Variants in TRIM9 observed in about 807,000 individuals in gnomAD.
TRIM9 encodes the protein E3 ubiquitin-protein ligase TRIM9.
Under a neutral mutation model 78.3 loss-of-function variants are expected in TRIM9, and 26 were observed. The ratio of observed to expected loss-of-function variants is 0.33; its 90% CI spans 0.24 to 0.46. TRIM9 has a LOEUF of 0.46. Among genes scored for constraint, TRIM9 ranks in the 20% least tolerant of loss-of-function variants. The pLI, the probability that TRIM9 is intolerant of heterozygous loss-of-function variation, is 1.00. For synonymous variants in TRIM9, 398 were observed against 416.5 expected (o/e 0.96, Z 0.54); for missense variants, 787 against 1,036.4 (o/e 0.76, Z 3.30).
At chr14:51,067,686 G>A (rs942608006) in intron 1 of TRIM9, among the ~76,000 whole-genome samples, 3 of 151,962 alleles carry the variant, frequency 2.0e-5, no homozygotes, top group Non-Finnish European at 2.9e-5. Context: ...TCTTCACAGA[G>A]GGCTGCCCCT....
intron 1 of TRIM9, among the ~76,000 whole-genome samples, chr14:51,028,836 G>C (rs2058479481): frequency 6.6e-6 from 1 of 152,132 alleles, no homozygotes; most frequent in Admixed American, 6.5e-5. Flanking sequence ...CCAGAAAGAT[G>C]ACAAGTTGTT....
chr14:51,045,906 A>G (rs1214390735), intron 1 of TRIM9, among the ~76,000 whole-genome samples: 1 of 152,238 alleles, frequency 6.6e-6, no homozygotes, highest in Non-Finnish European at 1.5e-5. Flanking sequence ...AAGAAAATCC[A>G]GGAATCAACT....
chr14:51,058,235 C>A (rs150713331), intron 1 of TRIM9, among the ~76,000 whole-genome samples: 77 of 152,268 alleles, frequency 5.1e-4, no homozygotes, highest in African/African-American at 1.8e-3. Flanking sequence ...AACTCAGATC[C>A]AAAACCTAAG....
At position 50,977,278 on chromosome 14, in the gene TRIM9, C is replaced by T. The variant is rs746793722; in HGVS notation, c.*13G>A. On this transcript the variant is annotated 3_prime_UTR_variant, in exon 13 of 13. Coordinates refer to ENST00000684578, the MANE Select transcript of TRIM9 (RefSeq NM_001387360.1). ...AGGTAAGAACAGGCAGCTGGCGCCT[C>T]CACGGCACATCCTTAGGCTATTGAT... 13 of 1,485,762 alleles carry T rather than the reference C, an allele frequency of 8.7e-6. No homozygotes were observed. Among genetic ancestry groups the T allele is most frequent in the Non-Finnish European group, 1.2e-5 (13 of 1,111,952 alleles). The allele number at this position is 1,485,762 out of a possible 1,614,324, so 92.0% of individuals were successfully genotyped here. A position where few individuals can be genotyped will look rare whatever the true frequency, so the allele number is the denominator to read the frequency against.
rs998606781 is a variant in TRIM9, at chr14:51,059,298, T to C, written c.823-33938A>G. Reference sequence around the variant, plus strand: ...GAATTAGTTTCTACAGAAACAGCAATTGTGGAAGCAGATAGGCTAGCATTT... The same window carrying C: ...GAATTAGTTTCTACAGAAACAGCAACTGTGGAAGCAGATAGGCTAGCATTT... On this transcript the variant is annotated intron_variant, in intron 1 of 12. Transcript: ENST00000684578. 5.3e-5 allele frequency among the ~76,000 whole-genome samples: 8 copies of C among 152,198 alleles called. No homozygotes were observed. In the East Asian group the frequency reaches 7.7e-4, roughly 15 times the overall value.
chr14:51,037,333 C>T (rs970146574), intron 1 of TRIM9, among the ~76,000 whole-genome samples: 1 of 152,134 alleles, frequency 6.6e-6, no homozygotes, highest in Non-Finnish European at 1.5e-5. Flanking sequence ...ATGGTTCCCA[C>T]TAGGAATACT....
At chr14:51,083,679 A>T (rs961160968) in intron 1 of TRIM9, among the ~76,000 whole-genome samples, 9 of 152,202 alleles carry the variant, frequency 5.9e-5, no homozygotes, top group African/African-American at 2.2e-4. Context: ...GAGATGGTGA[A>T]TTCAGATCTG....
Position 50,981,818 on chromosome 14 carries a change from T to C in TRIM9, c.2144A>G (p.Asn715Ser). ...VDNNRSWFMH[N>S]NSHTNRTEGG... ...AGGGTACCTGTTGGTGTGCGAGTTG[T>C]TGTGCATGAACCAGCTCCGGTTATT... is the stretch of plus-strand genomic sequence containing the variant. The change falls in exon 11 of 13, where the codon AAC becomes AGC. Residue 715 changes from asparagine (N) to serine (S), a missense_variant. Physicochemically the swap from Asn to Ser is conservative, Grantham distance 46. This residue lies in a region of TRIM9 where 421 missense variants were observed against 514.3 expected (regional missense o/e 0.82). Transcript: ENST00000684578. 6.2e-7 allele frequency: 1 copy of C among 1,614,194 alleles called. No homozygotes were observed. The highest frequency in any genetic ancestry group is 1.1e-5 in the South Asian group (1 of 91,084).
intron 1 of TRIM9, among the ~76,000 whole-genome samples, chr14:51,037,989 T>C (rs1478865259): frequency 6.6e-6 from 1 of 152,186 alleles, no homozygotes; most frequent in Non-Finnish European, 1.5e-5. Flanking sequence ...GGGTTCAATC[T>C]CCTGCATGTG....
chr14:50,995,376 G>A (rs971703568), intron 7 of TRIM9, among the ~76,000 whole-genome samples: 18 of 152,030 alleles, frequency 1.2e-4, no homozygotes, highest in Admixed American at 6.6e-5. Flanking sequence ...TAGGGATAAC[G>A]TCTGTTCAAC....
chr14:51,026,764 AG>A (rs2058268355), intron 1 of TRIM9, among the ~76,000 whole-genome samples: 1 of 152,212 alleles, frequency 6.6e-6, no homozygotes, highest in Non-Finnish European at 1.5e-5. Flanking sequence ...TAGGTTTGAA[AG>A]GGTGCAGATT....
chr14:51,035,209 C>CT (rs916792585), intron 1 of TRIM9, among the ~76,000 whole-genome samples: 48 of 152,128 alleles, frequency 3.2e-4, no homozygotes, highest in African/African-American at 7.7e-4. Context: ...AAATTCAGGG[C>CT]TTTTTTTCTT....
intron 1 of TRIM9, among the ~76,000 whole-genome samples, chr14:51,069,706 C>T (rs1476584489): frequency 6.6e-6 from 1 of 152,202 alleles, no homozygotes; most frequent in South Asian, 2.1e-4. Context: ...GATCTGCCAA[C>T]CCTGTGCCCA....
intron 6 of TRIM9, among the ~76,000 whole-genome samples, chr14:50,998,619 T>C (rs2054542336): frequency 6.6e-6 from 1 of 152,170 alleles, no homozygotes; most frequent in Non-Finnish European, 1.5e-5. Context: ...AAAACATGTT[T>C]GAAACCATGA....
At chr14:51,077,014 G>A (rs2062842830) in intron 1 of TRIM9, among the ~76,000 whole-genome samples, 1 of 152,166 alleles carries the variant, frequency 6.6e-6, no homozygotes, top group South Asian at 2.1e-4. Context: ...TCTCATTTTA[G>A]CGCTTGCTAT....
At chr14:51,062,332 G>A (rs1444290195) in intron 1 of TRIM9, among the ~76,000 whole-genome samples, 1 of 151,940 alleles carries the variant, frequency 6.6e-6, no homozygotes, top group Non-Finnish European at 1.5e-5. Flanking sequence ...CTGATGAGGT[G>A]GTCATATTTT....
chr14:50,988,606 T>A (rs2053055051), intron 7 of TRIM9, among the ~76,000 whole-genome samples: 1 of 150,576 alleles, frequency 6.6e-6, no homozygotes, highest in Non-Finnish European at 1.5e-5. Context: ...TTTTTCCCCA[T>A]CTATGACCTC....
intron 1 of TRIM9, among the ~76,000 whole-genome samples, chr14:51,074,914 T>C (rs2062623478): frequency 1.3e-5 from 2 of 152,230 alleles, no homozygotes; most frequent in African/African-American, 4.8e-5. Flanking sequence ...CTCCTTTTGA[T>C]CTCACAATGT....
intron 1 of TRIM9, among the ~76,000 whole-genome samples, chr14:51,051,975 AG>A (rs1470724657): frequency 6.9e-6 from 1 of 145,700 alleles, no homozygotes; most frequent in Non-Finnish European, 1.5e-5. Context: ...AAAGAAAAGA[AG>A]GAAAAGAGAA....
Sources: gnomAD v4.1 joint callset for allele counts (sites outside exome capture counted in the v4.1 genomes callset) on GRCh38, gnomAD v4.1.1 for gene constraint, gnomAD v4.1.1 regional missense constraint, MANE v1.5 for transcripts, NCBI Gene and HGNC (gene_info 2026-07-23, HGNC 2026-07-21) for gene names.